The following SHC3 variants were observed in gnomAD, a reference collection of about 807,000 sequenced individuals.
SHC3 encodes the protein SHC-transforming protein 3.
In SHC3, 15 loss-of-function variants were observed where a neutral mutation model predicts 60.4. The ratio of observed to expected loss-of-function variants is 0.25; its 90% CI spans 0.17 to 0.38. SHC3 has a LOEUF of 0.38. Ranked by LOEUF, SHC3 falls within the 10% of genes least tolerant of loss-of-function variation. The probability of loss-of-function intolerance (pLI) is 1.00; values close to 1 mark genes in which losing one functional copy is unlikely to be tolerated. For missense variants in SHC3, 677 were observed against 786.1 expected, an observed-to-expected ratio of 0.86 and a Z score of 1.66; for synonymous variants, 294 against 325.9, an observed-to-expected ratio of 0.90 and a Z score of 1.05.
chr9:89,074,622 A>T lies in SHC3; in HGVS notation c.729+487T>A, dbSNP rs969817580. ...ATTCCACATTGGCTATTCCATAGAC[A>T]ACACCACTTCTTATTACCCCTACAA... On this transcript the variant is annotated intron_variant, in intron 4 of 11. Coordinates refer to ENST00000375835, the MANE Select transcript of SHC3 (RefSeq NM_016848.6). 4.0e-5 allele frequency among the ~76,000 whole-genome samples: 6 copies of T among 150,302 alleles called. No homozygotes were observed. The Admixed American group carries it at 4.0e-4, about 10-fold the overall frequency.
chr9:89,133,759 C>T (rs1034025406), intron 1 of SHC3, among the ~76,000 whole-genome samples: 3 of 151,830 alleles, frequency 2.0e-5, no homozygotes, highest in African/African-American at 7.3e-5. Context: ...TGGGGCCTGT[C>T]ATGGGGTGGG....
intron 1 of SHC3, among the ~76,000 whole-genome samples, chr9:89,130,522 A>G (rs1405981678): frequency 6.6e-6 from 1 of 152,176 alleles, no homozygotes; most frequent in African/African-American, 2.4e-5. Flanking sequence ...GAATTAAAGC[A>G]CTCCTCGGCA....
Position 89,177,983 on chromosome 9 carries a change from C to T in SHC3, c.474+4G>A, listed in dbSNP as rs1826967605. ...CCCCCAGGGCGGCCCGCGCCCGCAC[C>T]CACCTTGACCACGTAGGTGACTCCG... On this transcript the variant is annotated splice_donor_region_variant and intron_variant, in intron 1 of 11. Transcript: ENST00000375835. The T allele has an allele frequency of 2.5e-6, 3 of 1,222,676 alleles. No individual in the cohort carries two copies. Among genetic ancestry groups the T allele is most frequent in the Non-Finnish European group, 3.1e-6 (3 of 982,380 alleles). 75.7% of individuals were successfully genotyped at this position (1,222,676 alleles called of 1,614,324 possible). A position where few individuals can be genotyped will look rare whatever the true frequency, so the allele number is the denominator to read the frequency against.
chr9:89,127,364 T>C (rs1826178997), intron 1 of SHC3, among the ~76,000 whole-genome samples: 2 of 152,296 alleles, frequency 1.3e-5, no homozygotes, highest in South Asian at 4.1e-4. Context: ...AATAAGAGAT[T>C]TAAAAGAATT....
chr9:89,153,472 T>A (rs1226112032), intron 1 of SHC3, among the ~76,000 whole-genome samples: 1 of 152,200 alleles, frequency 6.6e-6, no homozygotes, highest in East Asian at 1.9e-4. Flanking sequence ...CTCAGAGCAT[T>A]TCAAAACTCC....
chr9:89,095,450 C>T (rs893264093), intron 2 of SHC3, among the ~76,000 whole-genome samples: 8 of 151,888 alleles, frequency 5.3e-5, no homozygotes, highest in South Asian at 2.1e-4. Context: ...TGGATCGGGA[C>T]GGGGAGGGGG....
At chr9:89,035,669 A>C (rs1824559232) in intron 11 of SHC3, among the ~76,000 whole-genome samples, 1 of 151,930 alleles carries the variant, frequency 6.6e-6, no homozygotes, top group African/African-American at 2.4e-5. Context: ...AAACGTGTTG[A>C]GCCTCGGCCA....
intron 6 of SHC3, among the ~76,000 whole-genome samples, chr9:89,063,823 C>T (rs923150884): frequency 3.9e-5 from 6 of 152,238 alleles, no homozygotes; most frequent in African/African-American, 1.4e-4. Flanking sequence ...TAGTTTGTTA[C>T]AGGCAATAGA....
chr9:89,063,604 G>A lies in SHC3; in HGVS notation c.835+1925C>T, dbSNP rs566818501. 7.9e-5 allele frequency among the ~76,000 whole-genome samples: 12 copies of A among 152,328 alleles called. No individual in the cohort carries two copies. The South Asian group carries it at 2.5e-3, about 32-fold the overall frequency. ...TCTGAGACTCCATGGAGAGGGCTGAGCCTCTAGTCATCCTTGCCAAGGTCC... is the reference window on the plus strand; with the variant it reads ...TCTGAGACTCCATGGAGAGGGCTGAACCTCTAGTCATCCTTGCCAAGGTCC... On this transcript the variant is annotated intron_variant, in intron 6 of 11. Transcript: ENST00000375835.
intron 11 of SHC3, among the ~76,000 whole-genome samples, chr9:89,035,876 T>C (rs1453686308): frequency 6.7e-6 from 1 of 148,410 alleles, no homozygotes; most frequent in Admixed American, 6.8e-5. Context: ...TGTGTGTGTG[T>C]GTGTGTGTGT....
chr9:89,032,523 G>A (rs753400743), intron 11 of SHC3, among the ~76,000 whole-genome samples: 6 of 152,164 alleles, frequency 3.9e-5, no homozygotes, highest in Non-Finnish European at 7.4e-5. Context: ...TAAGAGCGTT[G>A]ACTAAACAAT....
chr9:89,050,465 T>C (rs1404664123), intron 7 of SHC3, among the ~76,000 whole-genome samples: 1 of 152,174 alleles, frequency 6.6e-6, no homozygotes, highest in East Asian at 1.9e-4. Flanking sequence ...TTTGTATTTT[T>C]AGTAGAGACG....
chr9:89,059,300 G>GAGGATGGTGGTGC (rs2117954489), intron 6 of SHC3, among the ~76,000 whole-genome samples: 1 of 143,074 alleles, frequency 7.0e-6, no homozygotes, highest in South Asian at 2.4e-4. Flanking sequence ...GGACATGGTG[G>GAGGATGGTGGTGC]AGGACGGTGG....
intron 1 of SHC3, among the ~76,000 whole-genome samples, chr9:89,136,278 G>GA (rs1267604333): frequency 1.3e-5 from 2 of 152,164 alleles, no homozygotes; most frequent in Non-Finnish European, 2.9e-5. Flanking sequence ...ATAGGGGCTG[G>GA]AAAAAATGAG....
At chr9:89,168,554 C>T (rs1309992278) in intron 1 of SHC3, among the ~76,000 whole-genome samples, 2 of 152,140 alleles carry the variant, frequency 1.3e-5, no homozygotes, top group East Asian at 1.9e-4. Flanking sequence ...CATTCCTTAT[C>T]CCATATTTCC....
intron 2 of SHC3, chr9:89,110,468 T>C: frequency 1.0e-6 from 1 of 984,792 alleles, no homozygotes; most frequent in Non-Finnish European, 1.2e-6. Flanking sequence ...ATCACAGGTA[T>C]GTTGAACACT....
chr9:89,105,297 C>T (rs1217219917), intron 2 of SHC3, among the ~76,000 whole-genome samples: 1 of 152,194 alleles, frequency 6.6e-6, no homozygotes, highest in Non-Finnish European at 1.5e-5. Context: ...TGTTCTAGCT[C>T]AAATCTTGAC....
At chr9:89,102,045 T>C (rs77315499) in intron 2 of SHC3, among the ~76,000 whole-genome samples, 221 of 152,290 alleles carry the variant, frequency 1.5e-3, no homozygotes, top group African/African-American at 5.0e-3. Flanking sequence ...TTAGCAAACA[T>C]TAGTAGTTGT....
intron 2 of SHC3, among the ~76,000 whole-genome samples, chr9:89,093,553 C>CAA (rs202123276): frequency 3.5e-5 from 4 of 113,232 alleles, no homozygotes; most frequent in Admixed American, 8.9e-5. Context: ...GTAGAGTCTC[C>CAA]AAAAAAAAAA....
Sources: allele counts gnomAD v4.1 joint callset (sites outside exome capture counted in the v4.1 genomes callset), GRCh38; gene constraint gnomAD v4.1.1; transcripts MANE v1.5; gene names NCBI Gene and HGNC (gene_info 2026-07-23, HGNC 2026-07-21).